The following MYLK variants were observed in gnomAD, a reference collection of about 807,000 sequenced individuals.
MYLK encodes the protein myosin light chain kinase, smooth muscle.
In MYLK, 106 loss-of-function variants were observed where a neutral mutation model predicts 203.4. The ratio of observed to expected loss-of-function variants is 0.52; its 90% CI spans 0.45 to 0.61. The LOEUF is 0.61. Among genes scored for constraint, MYLK ranks in the 20% least tolerant of loss-of-function variants. MYLK has a pLI of 0.00. For synonymous variants in MYLK, 867 were observed against 959.5 expected (o/e 0.90, Z 1.78); for missense variants, 2,072 against 2,442.3 (o/e 0.85, Z 3.20).
intron 11 of MYLK, among the ~76,000 whole-genome samples, chr3:123,726,540 A>G (rs1408980996): frequency 6.6e-6 from 1 of 152,170 alleles, no homozygotes; most frequent in Non-Finnish European, 1.5e-5. Context: ...CTCACAGGTG[A>G]GGACATTTCA....
chr3:123,709,610 G>A (rs2061610974), intron 14 of MYLK, 146 bp downstream of exon 14: 2 of 1,003,140 alleles, frequency 2.0e-6, no homozygotes, highest in Admixed American at 1.7e-5. Context: ...GAGGACAAGA[G>A]TCTCCATTTC....
Position 123,695,409 on chromosome 3 carries a change from C to A in MYLK, c.3449-2558G>T, listed in dbSNP as rs370329005. ...TCTAACACCACTGTTTTTCCTAAGC[C>A]TGGAATGCAGTCACAGTAAAACATA... On this transcript the variant is annotated intron_variant, in intron 18 of 33. Coordinates refer to ENST00000360304, the MANE Select transcript of MYLK (RefSeq NM_053025.4). Among the ~76,000 whole-genome samples the A allele has an allele frequency of 7.9e-5, 12 of 152,322 alleles. 1 individual carries two copies. The highest frequency in any genetic ancestry group is 3.9e-4 in the Admixed American group (6 of 15,304).
chr3:123,750,103 CA>C (rs2063148183), intron 5 of MYLK, among the ~76,000 whole-genome samples: 1 of 152,244 alleles, frequency 6.6e-6, no homozygotes, highest in African/African-American at 2.4e-5. Flanking sequence ...CCCCAAACCA[CA>C]CATTAGCTTA....
intron 12 of MYLK, among the ~76,000 whole-genome samples, chr3:123,723,239 G>T (rs147076346): frequency 2.6e-5 from 4 of 152,090 alleles, no homozygotes; most frequent in Non-Finnish European, 4.4e-5. Flanking sequence ...GAAAGAAGTC[G>T]TCTCCCTGCA....
At position 123,746,395 on chromosome 3, in the gene MYLK, G is replaced by A. The variant is rs184993569; in HGVS notation, c.373+5936C>T. Among the ~76,000 whole-genome samples the A allele has an allele frequency of 5.7e-3, 869 of 152,188 alleles. 5 individuals are homozygous for A. Among genetic ancestry groups the A allele is most frequent in the African/African-American group, 0.02 (840 of 41,500 alleles). ...AGCCTAAATCTACCAAAGGCCAGGGGTGGAGATGGGAGAAGGAGGTGGAGG... is the reference window on the plus strand; with the variant it reads ...AGCCTAAATCTACCAAAGGCCAGGGATGGAGATGGGAGAAGGAGGTGGAGG... On this transcript the variant is annotated intron_variant, in intron 5 of 33. Transcript: ENST00000360304.
chr3:123,635,707 C>T, intron 29 of MYLK, among the ~76,000 whole-genome samples: 1 of 152,204 alleles, frequency 6.6e-6, no homozygotes, highest in East Asian at 1.9e-4. Context: ...AAAGAACTCT[C>T]ATTTGACAAT....
chr3:123,833,682 C>CA (rs1310398178), intron 2 of MYLK, among the ~76,000 whole-genome samples: 3 of 151,992 alleles, frequency 2.0e-5, no homozygotes, highest in Non-Finnish European at 4.4e-5. Flanking sequence ...CACAAGAAAA[C>CA]AAAAAATAAA....
chr3:123,831,875 C>G (rs2066341920), intron 2 of MYLK, among the ~76,000 whole-genome samples: 1 of 152,108 alleles, frequency 6.6e-6, no homozygotes, highest in Non-Finnish European at 1.5e-5. Context: ...CAAGGAGAAC[C>G]AGAACGAGGT....
rs1174541939 is a variant in MYLK, at chr3:123,733,841, C to T, written c.1155G>A (p.Arg385=). ...CATCTTGGCTCCCCAGGCCAGGCTG[C>T]CTGGTGGGGAAGGTGGCTGGACGGG... ...APPRPATFPT[R]QPGLGSQDVV... Residue 385 remains arginine, a synonymous_variant, in exon 10 of 34, where the codon AGG becomes AGA. Coordinates refer to ENST00000360304, the MANE Select transcript of MYLK (RefSeq NM_053025.4). 1.2e-6 allele frequency: 2 copies of T among 1,613,946 alleles called. No homozygotes were observed. The highest frequency in any genetic ancestry group is 3.3e-5 in the Admixed American group (2 of 60,004).
chr3:123,780,403 C>T (rs2064250607), intron 4 of MYLK, among the ~76,000 whole-genome samples: 1 of 152,146 alleles, frequency 6.6e-6, no homozygotes, highest in Non-Finnish European at 1.5e-5. Flanking sequence ...CACTGTCCTC[C>T]AGCCTGGGCA....
At chr3:123,660,082 C>A (rs544143297) in intron 23 of MYLK, among the ~76,000 whole-genome samples, 7 of 152,284 alleles carry the variant, frequency 4.6e-5, no homozygotes, top group Non-Finnish European at 8.8e-5. Context: ...GCTGGAAGGG[C>A]CCCCACATGT....
chr3:123,664,495 GATGGATGGATGAACTAGCT>G (rs2059671789), intron 22 of MYLK, among the ~76,000 whole-genome samples: 1 of 3,416 alleles, frequency 2.9e-4, no homozygotes, highest in African/African-American at 3.0e-4. Flanking sequence ...GCAGGGGCAG[GATGGATGGATGAACTAGCT>G]GAGCACTCAC....
intron 2 of MYLK, among the ~76,000 whole-genome samples, chr3:123,838,965 C>T (rs1920209): frequency 0.84 from 126,962 of 151,984 alleles, 53,190 homozygotes; most frequent in East Asian, 0.95. Context: ...CATGGCGGCA[C>T]GTGCCTGTAG....
intron 18 of MYLK, among the ~76,000 whole-genome samples, chr3:123,695,108 G>A (rs924240746): frequency 1.3e-5 from 2 of 152,160 alleles, no homozygotes; most frequent in Non-Finnish European, 2.9e-5. Context: ...GGAGGAAGGG[G>A]ATGTGGATGG....
At chr3:123,746,320 A>C (rs56214793) in intron 5 of MYLK, among the ~76,000 whole-genome samples, 135,285 of 151,794 alleles carry the variant, frequency 0.89, 62,230 homozygotes, top group East Asian at 1. Context: ...ACAAAGTTCA[A>C]TAAAATCTGA....
rs146039043 is a variant in MYLK at position 123,746,390 on chromosome 3, CA to C, written c.373+5940del. Reference sequence around the variant, plus strand: ...GGAAAAGCCTAAATCTACCAAAGGCCAGGGGTGGAGATGGGAGAAGGAGGTG... The same window carrying C: ...GGAAAAGCCTAAATCTACCAAAGGCCGGGGTGGAGATGGGAGAAGGAGGTG... On this transcript the variant is annotated intron_variant, in intron 5 of 33. Coordinates refer to ENST00000360304, the MANE Select transcript of MYLK (RefSeq NM_053025.4). Among the ~76,000 whole-genome samples, 773 of 151,810 alleles carry C rather than the reference CA, an allele frequency of 5.1e-3. 7 individuals carry two copies. The highest frequency in any genetic ancestry group is 0.018 in the African/African-American group (743 of 41,348).
chr3:123,716,258 C>T (rs563903476), intron 13 of MYLK: 1 of 152,326 alleles, frequency 6.6e-6, no homozygotes, highest in South Asian at 2.1e-4. Context: ...AGCCCCTTCC[C>T]ATTTCCAGGG....
chr3:123,629,735 A>C lies in MYLK; in HGVS notation c.4962-109T>G. ...GGTCGGCCAGCCTCCCCACCCCCAA[A>C]CTCATGCTCTGTGGGCCTTGCACCT... On this transcript the variant is annotated intron_variant, in intron 29 of 33. Coordinates refer to ENST00000360304, the MANE Select transcript of MYLK (RefSeq NM_053025.4). This position sits in a 1 kb window ranked among gnomAD's most constrained non-coding sequence, Gnocchi z 4.4. 2 of 1,167,316 alleles carry C rather than the reference A, an allele frequency of 1.7e-6. No individual in the cohort carries two copies. Among genetic ancestry groups the C allele is most frequent in the Non-Finnish European group, 2.5e-6 (2 of 787,876 alleles). The allele number at this position is 1,167,316 out of a possible 1,614,324, so 72.3% of individuals were successfully genotyped here.
At chr3:123,713,205 G>C (rs1359787058) in intron 13 of MYLK, among the ~76,000 whole-genome samples, 2 of 152,188 alleles carry the variant, frequency 1.3e-5, no homozygotes, top group Non-Finnish European at 1.5e-5. Context: ...CAGCAAGAAA[G>C]AAGGGAAGAT....
Sources: gnomAD v4.1 joint callset for allele counts (sites outside exome capture counted in the v4.1 genomes callset) on GRCh38, gnomAD v4.1.1 for gene constraint, Gnocchi (gnomAD v3.1) non-coding constraint, MANE v1.5 for transcripts, NCBI Gene and HGNC (gene_info 2026-07-23, HGNC 2026-07-21) for gene names.